Variants in ERBB4 observed in about 807,000 individuals in gnomAD.
ERBB4 encodes the protein erb-b2 receptor tyrosine kinase 4.
Under a neutral mutation model 158.0 loss-of-function variants are expected in ERBB4, and 42 were observed. The observed-to-expected ratio is 0.27, with a 90% CI of 0.21 to 0.34. ERBB4 has a LOEUF of 0.34. Ranked by LOEUF, ERBB4 falls within the 10% of genes least tolerant of loss-of-function variation. ERBB4 has a pLI of 1.00. For synonymous variants in ERBB4, 583 were observed against 558.7 expected, an observed-to-expected ratio of 1.04 and a Z score of -0.61; for missense variants, 1,333 against 1,624.1, an observed-to-expected ratio of 0.82 and a Z score of 3.08.
Position 211,946,702 on chromosome 2 carries a change from C to A in ERBB4, c.421+728G>T, listed in dbSNP as rs890321566. On this transcript the variant is annotated intron_variant, in intron 3 of 27. Coordinates refer to ENST00000342788, the MANE Select transcript of ERBB4 (RefSeq NM_005235.3). ...TTACAGGTATACATGAAGTAAAATT[C>A]ATGAAGTAAAATTCATTATACCAAA... Among the ~76,000 whole-genome samples, 4 of 138,984 alleles carry A rather than the reference C, an allele frequency of 2.9e-5. No homozygotes were observed. In the East Asian group the frequency reaches 9.4e-4, roughly 33 times the overall value. The allele number at this position is 138,984 out of a possible 152,430, so 91.2% of individuals were successfully genotyped here.
At chr2:211,945,306 A>G (rs574504745) in intron 3 of ERBB4, among the ~76,000 whole-genome samples, 6 of 152,246 alleles carry the variant, frequency 3.9e-5, no homozygotes, top group African/African-American at 1.4e-4. Context: ...GAGTAACACT[A>G]TCAACCAGAA....
intron 1 of ERBB4, among the ~76,000 whole-genome samples, chr2:212,196,116 C>A (rs764077060): frequency 1.3e-5 from 2 of 152,062 alleles, no homozygotes; most frequent in Non-Finnish European, 2.9e-5. Context: ...CTATGGGTAA[C>A]TTTCGATTCC....
intron 20 of ERBB4, among the ~76,000 whole-genome samples, chr2:211,497,907 G>T (rs2065512716): frequency 6.6e-6 from 1 of 152,090 alleles, no homozygotes; most frequent in Non-Finnish European, 1.5e-5. Context: ...CAGACAAGAG[G>T]AAACTTCAAA....
At chr2:211,586,124 T>C (rs955944265) in intron 19 of ERBB4, among the ~76,000 whole-genome samples, 1 of 152,138 alleles carries the variant, frequency 6.6e-6, no homozygotes, top group Non-Finnish European at 1.5e-5. Context: ...AAAATTAAAA[T>C]TCTAAGAAAT....
intron 2 of ERBB4, among the ~76,000 whole-genome samples, chr2:212,087,819 G>A (rs1169177106): frequency 6.6e-6 from 1 of 152,000 alleles, no homozygotes; most frequent in Non-Finnish European, 1.5e-5. Flanking sequence ...AAGCAGAAAA[G>A]GGTTAGAATC....
At chr2:212,479,308 CTCTCTTTCTCTT>C (rs564889152) in intron 1 of ERBB4, among the ~76,000 whole-genome samples, 5 of 152,052 alleles carry the variant, frequency 3.3e-5, no homozygotes, top group African/African-American at 1.2e-4. Flanking sequence ...ACCTCTTTCT[CTCTCTTTCTCTT>C]TCTCTTTCTC....
intron 2 of ERBB4, among the ~76,000 whole-genome samples, chr2:212,120,017 A>C (rs1213612678): frequency 6.6e-6 from 1 of 152,140 alleles, no homozygotes; most frequent in Admixed American, 6.5e-5. Flanking sequence ...TTTAAGGGGA[A>C]AAGGGGGAAA....
At chr2:211,478,936 A>T (rs1205445846) in intron 20 of ERBB4, among the ~76,000 whole-genome samples, 1 of 152,052 alleles carries the variant, frequency 6.6e-6, no homozygotes, top group Middle Eastern at 3.2e-3. Context: ...TGCTTTCCCA[A>T]CTACATCCTC....
chr2:211,408,792 C>T (rs2063196887), intron 25 of ERBB4, among the ~76,000 whole-genome samples: 1 of 152,154 alleles, frequency 6.6e-6, no homozygotes. Context: ...ATTTAGTGTT[C>T]TGTATAATTG....
At chr2:212,096,086 TCA>T (rs1048848239) in intron 2 of ERBB4, among the ~76,000 whole-genome samples, 3 of 151,948 alleles carry the variant, frequency 2.0e-5, no homozygotes, top group African/African-American at 7.3e-5. Context: ...AAGAGAAGAC[TCA>T]CACTGCAAAC....
intron 1 of ERBB4, among the ~76,000 whole-genome samples, chr2:212,353,982 A>C (rs1447095227): frequency 6.6e-6 from 1 of 152,128 alleles, no homozygotes; most frequent in Non-Finnish European, 1.5e-5. Flanking sequence ...GGAGAAGAGT[A>C]GCTGACCTAT....
At chr2:211,827,062 C>T (rs115455368) in intron 3 of ERBB4, among the ~76,000 whole-genome samples, 1,895 of 151,918 alleles carry the variant, frequency 0.012, 46 homozygotes, top group African/African-American at 0.042. Flanking sequence ...ATATATAATC[C>T]AAAATTTATT....
At chr2:212,442,139 C>T (rs2092267042) in intron 1 of ERBB4, among the ~76,000 whole-genome samples, 1 of 143,850 alleles carries the variant, frequency 7.0e-6, no homozygotes, top group African/African-American at 2.6e-5. Flanking sequence ...AGAGCTCTGG[C>T]ATTGGCTAAT....
chr2:212,163,359 AG>A (rs2081258711), intron 1 of ERBB4, among the ~76,000 whole-genome samples: 1 of 150,658 alleles, frequency 6.6e-6, no homozygotes, highest in South Asian at 2.2e-4. Flanking sequence ...TTCATTAATA[AG>A]GGTGAAGGAA....
intron 2 of ERBB4, among the ~76,000 whole-genome samples, chr2:211,958,229 G>T (rs73079349): frequency 0.044 from 6,702 of 152,172 alleles, 236 homozygotes; most frequent in African/African-American, 0.094. Flanking sequence ...AACAAGGTCT[G>T]ATGTTACTTA....
chr2:211,675,029 G>C (rs1291231462), intron 13 of ERBB4, among the ~76,000 whole-genome samples: 1 of 151,916 alleles, frequency 6.6e-6, no homozygotes, highest in Non-Finnish European at 1.5e-5. Context: ...GATTTTTCCT[G>C]CTCTCAGAAA....
Position 211,386,944 on chromosome 2 carries a change from A to T in ERBB4, c.3390T>A (p.Ala1130=). The T allele has an allele frequency of 6.2e-7, 1 of 1,614,144 alleles. No individual in the cohort carries two copies. The change falls in exon 27 of 28, where the codon GCT becomes GCA. Residue 1130 remains alanine, a synonymous_variant. Transcript: ENST00000342788. ...GTTCTGGGGCAAACACGGTGGGGTC[A>T]GCACTGTACCTCTGGGTGCTACTGT... ...QEDSSTQRYS[A]DPTVFAPERS...
At chr2:212,491,615 G>A (rs938942068) in intron 1 of ERBB4, among the ~76,000 whole-genome samples, 1 of 151,498 alleles carries the variant, frequency 6.6e-6, no homozygotes, top group Non-Finnish European at 1.5e-5. Context: ...AGTATACGGA[G>A]AAATAGATTA....
chr2:211,670,454 GTTT>G (rs954882413), intron 14 of ERBB4, among the ~76,000 whole-genome samples: 8 of 152,244 alleles, frequency 5.3e-5, no homozygotes, highest in African/African-American at 1.9e-4. Context: ...ACCATCTCAA[GTTT>G]TTTGAGGAAC....
Sources: gnomAD v4.1 joint callset for allele counts (sites outside exome capture counted in the v4.1 genomes callset) on GRCh38, gnomAD v4.1.1 for gene constraint, MANE v1.5 for transcripts, NCBI Gene and HGNC (gene_info 2026-07-23, HGNC 2026-07-21) for gene names.